CWF19L2: variants seen among roughly 807,000 people sequenced by gnomAD.
CWF19L2 encodes CWF19 like cell cycle control factor 2, also known as CWF19-like protein 2.
A neutral mutation model predicts 111.7 loss-of-function variants in CWF19L2; 98 were observed. The ratio of observed to expected loss-of-function variants is 0.88; its 90% CI spans 0.75 to 1.04. The LOEUF is 1.04. Ranked by LOEUF, CWF19L2 falls within the 50% of genes least tolerant of loss-of-function variation. The pLI, the probability that CWF19L2 is intolerant of heterozygous loss-of-function variation, is 0.00. For synonymous variants in CWF19L2, 351 were observed against 342.9 expected, an observed-to-expected ratio of 1.02 and a Z score of -0.26; for missense variants, 1,101 against 1,051.4, an observed-to-expected ratio of 1.05 and a Z score of -0.65.
chr11:107,422,826 A>T (rs1413166605), intron 8 of CWF19L2, among the ~76,000 whole-genome samples: 1 of 151,946 alleles, frequency 6.6e-6, no homozygotes, highest in African/African-American at 2.4e-5. Context: ...CTGGGAGGGG[A>T]ATCTTTTAAC....
intron 12 of CWF19L2, among the ~76,000 whole-genome samples, chr11:107,379,002 T>C (rs180843056): frequency 7.2e-5 from 11 of 152,176 alleles, no homozygotes; most frequent in African/African-American, 2.6e-4. Flanking sequence ...CTAATCTAGG[T>C]TAGATAGTAG....
chr11:107,350,258 TCAA>T (rs1860138216), intron 13 of CWF19L2, among the ~76,000 whole-genome samples: 1 of 152,124 alleles, frequency 6.6e-6, no homozygotes, highest in South Asian at 2.1e-4. Flanking sequence ...TGCTAGGGAA[TCAA>T]CAATGTGCAG....
At chr11:107,438,276 A>G (rs753244188) in intron 6 of CWF19L2, among the ~76,000 whole-genome samples, 5 of 152,216 alleles carry the variant, frequency 3.3e-5, no homozygotes, top group Non-Finnish European at 5.9e-5. Context: ...TCAGCACAAC[A>G]CTTAATGGGA....
intron 13 of CWF19L2, among the ~76,000 whole-genome samples, chr11:107,352,154 T>C (rs34542827): frequency 6.6e-6 from 1 of 152,164 alleles, no homozygotes. Flanking sequence ...GCTTGTATTG[T>C]CCTGTATTTC....
At chr11:107,343,674 G>C (rs1261338020) in intron 14 of CWF19L2, among the ~76,000 whole-genome samples, 1 of 151,506 alleles carries the variant, frequency 6.6e-6, no homozygotes, top group Non-Finnish European at 1.5e-5. Context: ...ATGGTTATTT[G>C]AACATTTTCA....
chr11:107,446,994 C>A (rs751779606), intron 3 of CWF19L2, among the ~76,000 whole-genome samples: 6 of 152,144 alleles, frequency 3.9e-5, no homozygotes, highest in Non-Finnish European at 7.4e-5. Context: ...ATTAACCACA[C>A]CTCTAATTCT....
At chr11:107,370,505 C>T (rs1308902986) in intron 12 of CWF19L2, among the ~76,000 whole-genome samples, 4 of 127,856 alleles carry the variant, frequency 3.1e-5, no homozygotes, top group Non-Finnish European at 1.6e-5. Flanking sequence ...AAGTTTATGG[C>T]ACAAGAATGA....
chr11:107,414,472 C>T (rs1861198819), intron 10 of CWF19L2, among the ~76,000 whole-genome samples: 1 of 152,172 alleles, frequency 6.6e-6, no homozygotes, highest in Non-Finnish European at 1.5e-5. Flanking sequence ...TTAAATATCA[C>T]TTACATGTTA....
chr11:107,340,234 T>C (rs868817732), intron 14 of CWF19L2, among the ~76,000 whole-genome samples: 2 of 152,160 alleles, frequency 1.3e-5, no homozygotes, highest in Admixed American at 6.6e-5. Context: ...TCTTGACAAT[T>C]TTATCTTGTT....
rs564242091 is a variant in CWF19L2, at chr11:107,359,614, G to A, written c.1873-5878C>T. ...TCTACCGGTCTAGAGGTTTTAGTTC[G>A]AAAAGGAGAAATACAGGGCCAGGCA... On this transcript the variant is annotated intron_variant, in intron 12 of 17. Transcript: ENST00000282251. Among the ~76,000 whole-genome samples the A allele has an allele frequency of 1.2e-4, 19 of 152,086 alleles. No individual in the cohort carries two copies. In the South Asian group the frequency reaches 2.7e-3, roughly 22 times the overall value.
At chr11:107,430,727 T>G (rs1404014365) in intron 7 of CWF19L2, among the ~76,000 whole-genome samples, 1 of 152,014 alleles carries the variant, frequency 6.6e-6, no homozygotes. Context: ...GGAGAGGGGA[T>G]GAGAAGATGG....
intron 7 of CWF19L2, among the ~76,000 whole-genome samples, chr11:107,429,900 G>C (rs180788289): frequency 3.8e-4 from 58 of 150,740 alleles, no homozygotes; most frequent in Admixed American, 2.6e-4. Context: ...TACACCAAAA[G>C]GAAGAAAAGA....
chr11:107,364,562 C>T (rs919948441), intron 12 of CWF19L2, among the ~76,000 whole-genome samples: 1 of 141,688 alleles, frequency 7.1e-6, no homozygotes, highest in Admixed American at 6.9e-5. Flanking sequence ...ACAACCTGCT[C>T]CTGAATGACT....
intron 12 of CWF19L2, among the ~76,000 whole-genome samples, chr11:107,368,936 C>G (rs1860471274): frequency 7.3e-6 from 1 of 137,284 alleles, no homozygotes; most frequent in Non-Finnish European, 1.6e-5. Context: ...CAACTGATAT[C>G]ACAGAAATAC....
chr11:107,421,877 A>C (rs1356400894), intron 8 of CWF19L2, among the ~76,000 whole-genome samples: 2 of 152,104 alleles, frequency 1.3e-5, no homozygotes, highest in African/African-American at 4.8e-5. Context: ...AGAGAAAGGA[A>C]AGCATATGTC....
At chr11:107,423,530 G>A (rs1591195782) in intron 8 of CWF19L2, among the ~76,000 whole-genome samples, 1 of 151,972 alleles carries the variant, frequency 6.6e-6, no homozygotes, top group Non-Finnish European at 1.5e-5. Flanking sequence ...TCTGCCATTT[G>A]TACCTGACCA....
At chr11:107,422,175 T>C (rs1200952663) in intron 8 of CWF19L2, among the ~76,000 whole-genome samples, 1 of 152,062 alleles carries the variant, frequency 6.6e-6, no homozygotes, top group Non-Finnish European at 1.5e-5. Flanking sequence ...GGTTGACCCT[T>C]GAACAACACA....
intron 10 of CWF19L2, chr11:107,404,384 A>G: frequency 1.3e-6 from 1 of 788,374 alleles, no homozygotes; most frequent in Non-Finnish European, 2.4e-6. Context: ...GGGCATCAGC[A>G]GCTTATCTGG....
intron 12 of CWF19L2, among the ~76,000 whole-genome samples, chr11:107,357,891 A>G (rs990351504): frequency 2.6e-5 from 4 of 152,256 alleles, no homozygotes; most frequent in African/African-American, 9.6e-5. Flanking sequence ...AGATGGAAAA[A>G]GTGAACAAAA....
Sources: allele counts gnomAD v4.1 joint callset (sites outside exome capture counted in the v4.1 genomes callset), GRCh38; gene constraint gnomAD v4.1.1; transcripts MANE v1.5; gene names NCBI Gene and HGNC (gene_info 2026-07-23, HGNC 2026-07-21).